The following RABL2A variants were observed in gnomAD, a reference collection of about 807,000 sequenced individuals.
The protein encoded by RABL2A is RAB, member of RAS oncogene family like 2A.
A neutral mutation model predicts 30.7 loss-of-function variants in RABL2A; 17 were observed. The ratio of observed to expected loss-of-function variants is 0.55; its 90% CI spans 0.38 to 0.83. The LOEUF (loss-of-function observed/expected upper bound fraction) is 0.83. Among genes scored for constraint, RABL2A ranks in the 40% least tolerant of loss-of-function variants. RABL2A has a pLI of 0.00. For missense variants in RABL2A, 155 were observed against 272.6 expected (o/e 0.57, Z 3.04); for synonymous variants, 64 against 101.8 (o/e 0.63, Z 2.24).
chr2:113,635,415 G>C, intron 5 of RABL2A: 1 of 486,700 alleles, frequency 2.1e-6, no homozygotes, highest in South Asian at 2.0e-5. Context: ...CTGAAACAGG[G>C]CCACAGTCCC....
intron 2 of RABL2A, 65 bp from the exon 3 acceptor site, chr2:113,632,850 G>A: frequency 6.2e-7 from 1 of 1,613,996 alleles, no homozygotes; most frequent in Non-Finnish European, 8.5e-7. Context: ...GCCTTAGGGT[G>A]AAAAAGTCTG....
At position 113,641,356 on chromosome 2, in the gene RABL2A, A is replaced by C. The variant is rs368479600; in HGVS notation, c.413A>C (p.Asp138Ala). 8.6e-5 allele frequency: 138 copies of C among 1,613,576 alleles called. No individual in the cohort carries two copies. The highest frequency in any genetic ancestry group is 6.9e-5 in the Non-Finnish European group (82 of 1,179,980). ...CIVVANKIDA[D>A]INVTQKSFNF... Reference sequence around the variant, plus strand: ...ATGTCCTACCTTCTCTCTACAGCAGACATAAACGTGACCCAAAAAAGCTTC... The same window carrying C: ...ATGTCCTACCTTCTCTCTACAGCAGCCATAAACGTGACCCAAAAAAGCTTC... The change falls in exon 7 of 9, where the codon GAC becomes GCC. Residue 138 changes from aspartate to alanine, a missense_variant. Physicochemically the swap from Asp to Ala is moderately radical, Grantham distance 126 (BLOSUM62 -2). Around this residue, in one of 5 missense-constraint regions of RABL2A, gnomAD observed 33 missense variants for 30.7 expected, o/e 1.08. Transcript: ENST00000683472.
Position 113,642,158 on chromosome 2 carries a change from C to A in RABL2A, c.*29C>A, listed in dbSNP as rs377210908. 1.3e-4 allele frequency: 205 copies of A among 1,609,868 alleles called. No individual in the cohort carries two copies. Among genetic ancestry groups the A allele is most frequent in the Non-Finnish European group, 1.7e-4 (197 of 1,178,686 alleles). ...GCTGGGGCTAGGGGTGGGTGGAGCC[C>A]TTTTAAAATACCCTTCCCTTCAACA... On this transcript the variant is annotated 3_prime_UTR_variant, in exon 9 of 9. Coordinates refer to ENST00000683472, the MANE Select transcript of RABL2A (RefSeq NM_001306158.2).
rs113156878 is a variant in RABL2A at position 113,634,707 on chromosome 2, G to A, written c.218-344G>A. ...ACTCTGTCTACCGTCTGTGGTCATC[G>A]CACGTGAGAAGTTGGAATAGTTTGG... On this transcript the variant is annotated intron_variant, in intron 4 of 8. Transcript: ENST00000683472. 245 of 434,024 alleles carry A rather than the reference G, an allele frequency of 5.6e-4. 1 individual carries two copies. Among genetic ancestry groups the A allele is most frequent in the African/African-American group, 4.4e-3 (222 of 49,888 alleles). 26.9% of individuals were successfully genotyped at this position (434,024 alleles called of 1,614,324 possible).
At chr2:113,638,728 C>T (rs1045405745) in intron 5 of RABL2A, 19 of 250,324 alleles carry the variant, frequency 7.6e-5, no homozygotes, top group Admixed American at 1.3e-4. Context: ...ATTAGCCAGG[C>T]GTGGTGGCGC....
At chr2:113,629,330 G>A (rs1679348793) in intron 2 of RABL2A, among the ~76,000 whole-genome samples, 1 of 152,200 alleles carries the variant, frequency 6.6e-6, no homozygotes, top group African/African-American at 2.4e-5. Flanking sequence ...GCCCAGAGAA[G>A]TGGTCACGTT....
In RABL2A at chr2:113,631,393, A is replaced by G. The variant is rs2592676; in HGVS notation, c.108-1522A>G. 5.6e-3 allele frequency among the ~76,000 whole-genome samples: 845 copies of G among 152,180 alleles called. 8 individuals carry two copies. The highest frequency in any genetic ancestry group is 0.019 in the African/African-American group (783 of 41,498). On this transcript the variant is annotated intron_variant, in intron 2 of 8. Coordinates refer to ENST00000683472, the MANE Select transcript of RABL2A (RefSeq NM_001306158.2). ...GCCACATGGTGTGAGTACAGACTAGAGTGATGGGGGAAACTTACAAGCAGA... is the reference window on the plus strand; with the variant it reads ...GCCACATGGTGTGAGTACAGACTAGGGTGATGGGGGAAACTTACAAGCAGA...
Position 113,635,113 on chromosome 2 carries a change from G to T in RABL2A, c.280G>T (p.Ala94Ser). 2 of 1,614,204 alleles carry T rather than the reference G, an allele frequency of 1.2e-6. No homozygotes were observed. Among genetic ancestry groups the T allele is most frequent in the Non-Finnish European group, 1.7e-6 (2 of 1,180,028 alleles). ...CATGCATGCCTCCTACTACCACAAGGCCCATGCCTGCATCATGGTACGAGA... is the reference window on the plus strand; with the variant it reads ...CATGCATGCCTCCTACTACCACAAGTCCCATGCCTGCATCATGGTACGAGA... Reference protein sequence around the residue: ...QSMHASYYHKAHACIMVFDIQ... With the variant: ...QSMHASYYHKSHACIMVFDIQ... The change falls in exon 5 of 9, where the codon GCC becomes TCC. Residue 94 changes from alanine to serine, a missense_variant. By Grantham distance (99) the Ala-to-Ser change is moderately conservative. This residue lies in a region of RABL2A where 82 missense variants were observed against 103.2 expected (regional missense o/e 0.79). Coordinates refer to ENST00000683472, the MANE Select transcript of RABL2A (RefSeq NM_001306158.2).
At position 113,641,361 on chromosome 2, in the gene RABL2A, A is replaced by G; in HGVS notation, c.418A>G (p.Asn140Asp). ...VVANKIDADI[N>D]VTQKSFNFAK... The stretch of plus-strand genomic sequence containing the variant: ...CTACCTTCTCTCTACAGCAGACATA[A>G]ACGTGACCCAAAAAAGCTTCAATTT... The change falls in exon 7 of 9, where the codon AAC becomes GAC. Residue 140 changes from asparagine to aspartate, a missense_variant. By Grantham distance (23) the Asn-to-Asp change is conservative (BLOSUM62 1). Around this residue, in one of 5 missense-constraint regions of RABL2A, gnomAD observed 33 missense variants for 30.7 expected, o/e 1.08. Coordinates refer to ENST00000683472, the MANE Select transcript of RABL2A (RefSeq NM_001306158.2). 2 of 1,613,572 alleles carry G rather than the reference A, an allele frequency of 1.2e-6. No individual in the cohort carries two copies. The highest frequency in any genetic ancestry group is 1.7e-6 in the Non-Finnish European group (2 of 1,179,966).
Position 113,642,197 on chromosome 2 carries a change from G to C in RABL2A, c.*68G>C. On this transcript the variant is annotated 3_prime_UTR_variant, in exon 9 of 9. Coordinates refer to ENST00000683472, the MANE Select transcript of RABL2A (RefSeq NM_001306158.2). ...TTCCCTTCAACAACTCTCCAGCTCT[G>C]AATGGAGAAACTCTCTAGGCCATCC... 1.3e-6 allele frequency: 2 copies of C among 1,493,016 alleles called. No homozygotes were observed. The highest frequency in any genetic ancestry group is 1.8e-6 in the Non-Finnish European group (2 of 1,123,816). The allele number at this position is 1,493,016 out of a possible 1,614,324, so 92.5% of individuals were successfully genotyped here.
At chr2:113,633,523 C>T (rs1396269050) in intron 3 of RABL2A, 1 of 196,562 alleles carries the variant, frequency 5.1e-6, no homozygotes, top group Admixed American at 5.4e-5. Flanking sequence ...AGGCTCGGCA[C>T]CCCAAGGCTC....
intron 4 of RABL2A, chr2:113,634,715 G>A: frequency 4.5e-6 from 2 of 444,112 alleles, no homozygotes; most frequent in East Asian, 9.8e-5. Context: ...TCGCACGTGA[G>A]AAGTTGGAAT....
intron 5 of RABL2A, chr2:113,640,159 ATAAAAG>A (rs1170404555): frequency 1.6e-5 from 2 of 125,950 alleles, no homozygotes; most frequent in Admixed American, 7.3e-5. Context: ...AAGTAAATAA[ATAAAAG>A]TAAATAGTAA....
At chr2:113,640,662 C>G (rs1446064777) in intron 5 of RABL2A, 1 of 511,182 alleles carries the variant, frequency 2.0e-6, no homozygotes, top group Admixed American at 3.4e-5. Flanking sequence ...CAGGTGTGAG[C>G]CACTGCACTG....
intron 2 of RABL2A, among the ~76,000 whole-genome samples, chr2:113,631,819 T>C (rs1680466713): frequency 6.6e-6 from 1 of 151,942 alleles, no homozygotes; most frequent in Non-Finnish European, 1.5e-5. Context: ...TTTCTGAGCA[T>C]GTGCCCTCTC....
Position 113,642,622 on chromosome 2 carries a change from T to G in RABL2A, c.*493T>G. The G allele has an allele frequency of 4.7e-6, 1 of 212,862 alleles. No homozygotes were observed. Among genetic ancestry groups the G allele is most frequent in the East Asian group, 1.5e-4 (1 of 6,778 alleles). The allele number at this position is 212,862 out of a possible 1,614,324, so 13.2% of individuals were successfully genotyped here. On this transcript the variant is annotated 3_prime_UTR_variant, in exon 9 of 9. Transcript: ENST00000683472. ...CTCCCATCTTTTTTCCTCTTCAATC[T>G]CCCAGTCATCTGGTTTGTTTGTTTC...
At chr2:113,631,057 C>G (rs1327384999) in intron 2 of RABL2A, among the ~76,000 whole-genome samples, 3 of 152,052 alleles carry the variant, frequency 2.0e-5, no homozygotes, top group African/African-American at 7.2e-5. Context: ...GCCACCATGC[C>G]TAGCTAATTT....
chr2:113,642,387 C>A lies in RABL2A; in HGVS notation c.*258C>A, dbSNP rs540026183. On this transcript the variant is annotated 3_prime_UTR_variant, in exon 9 of 9. Transcript: ENST00000683472. Reference sequence around the variant, plus strand: ...ATCAGCATCATTAACACCTTCCCCACCCCCTCCCCCCAGGCAGACAGTGAA... The same window carrying A: ...ATCAGCATCATTAACACCTTCCCCAACCCCTCCCCCCAGGCAGACAGTGAA... 4.1e-6 allele frequency: 3 copies of A among 732,110 alleles called. No homozygotes were observed. The South Asian group carries it at 6.1e-5, about 15-fold the overall frequency. The allele number at this position is 732,110 out of a possible 1,614,324, so 45.4% of individuals were successfully genotyped here. A position where few individuals can be genotyped will look rare whatever the true frequency, so the allele number is the denominator to read the frequency against.
rs528066059 is a variant in RABL2A at position 113,635,330 on chromosome 2, G to A, written c.297+200G>A. Reference sequence around the variant, plus strand: ...TGCCAGGTGAGCTCTCTGTAGGCGGGGATGGGTGGAGAAAAGGTGGAACAG... The same window carrying A: ...TGCCAGGTGAGCTCTCTGTAGGCGGAGATGGGTGGAGAAAAGGTGGAACAG... On this transcript the variant is annotated intron_variant, in intron 5 of 8. Transcript: ENST00000683472. 985 of 592,298 alleles carry A rather than the reference G, an allele frequency of 1.7e-3. 17 individuals are homozygous for A. Among genetic ancestry groups the A allele is most frequent in the African/African-American group, 0.017 (889 of 53,674 alleles). The allele number at this position is 592,298 out of a possible 1,614,324, so 36.7% of individuals were successfully genotyped here.
Sources: allele counts gnomAD v4.1 joint callset (sites outside exome capture counted in the v4.1 genomes callset), GRCh38; gene constraint gnomAD v4.1.1; regional missense constraint gnomAD v4.1.1; transcripts MANE v1.5; gene names NCBI Gene and HGNC (gene_info 2026-07-23, HGNC 2026-07-21).